MYO1D: variants seen among roughly 807,000 people sequenced by gnomAD.
The protein encoded by MYO1D is myosin ID, also known as unconventional myosin-Id.
Under a neutral mutation model 122.0 loss-of-function variants are expected in MYO1D, and 83 were observed. The ratio of observed to expected loss-of-function variants is 0.68; its 90% CI spans 0.57 to 0.82. The LOEUF (loss-of-function observed/expected upper bound fraction) is 0.82. Ranked by LOEUF, MYO1D falls within the 40% of genes least tolerant of loss-of-function variation. MYO1D has a pLI of 0.00. For synonymous variants in MYO1D, 464 were observed against 446.9 expected (o/e 1.04, Z -0.48); for missense variants, 1,157 against 1,269.5 (o/e 0.91, Z 1.35).
chr17:32,734,609 A>T (rs2089676150), intron 14 of MYO1D: 1 of 152,218 alleles, frequency 6.6e-6, no homozygotes, highest in Non-Finnish European at 1.5e-5. Context: ...ATTTTTTGTC[A>T]TGCACTTCCT....
At chr17:32,548,073 G>A (rs2086980103) in intron 21 of MYO1D, among the ~76,000 whole-genome samples, 1 of 152,044 alleles carries the variant, frequency 6.6e-6, no homozygotes, top group Non-Finnish European at 1.5e-5. Context: ...AGAACCCTAA[G>A]CCCTTTCTTT....
intron 1 of MYO1D, among the ~76,000 whole-genome samples, chr17:32,822,794 C>G (rs1355890035): frequency 1.3e-5 from 2 of 151,640 alleles, no homozygotes; most frequent in Non-Finnish European, 2.9e-5. Flanking sequence ...GACCTCCGCT[C>G]GCGACCGCTC....
chr17:32,778,935 G>A (rs1337436793), intron 2 of MYO1D, among the ~76,000 whole-genome samples: 1 of 152,124 alleles, frequency 6.6e-6, no homozygotes, highest in Admixed American at 6.5e-5. Flanking sequence ...TCAAACAGTG[G>A]TTACAACTAA....
chr17:32,613,443 GTA>G (rs1268192667), intron 20 of MYO1D, among the ~76,000 whole-genome samples: 2 of 152,088 alleles, frequency 1.3e-5, no homozygotes, highest in Admixed American at 1.3e-4. Flanking sequence ...GACCATGAGC[GTA>G]TATTCACAAG....
intron 1 of MYO1D, among the ~76,000 whole-genome samples, chr17:32,797,633 G>GA (rs1383986654): frequency 2.0e-5 from 3 of 152,126 alleles, no homozygotes; most frequent in South Asian, 4.2e-4. Context: ...TGTACATATA[G>GA]AAAAAAACAG....
intron 21 of MYO1D, among the ~76,000 whole-genome samples, chr17:32,595,233 C>T (rs915345995): frequency 6.6e-6 from 1 of 152,108 alleles, no homozygotes; most frequent in Non-Finnish European, 1.5e-5. Context: ...TCTAGCACTG[C>T]AGGGTGAATA....
At position 32,602,995 on chromosome 17, in the gene MYO1D, C is replaced by T. The variant is rs551002998; in HGVS notation, c.2864+2092G>A. Among the ~76,000 whole-genome samples, 3 of 151,922 alleles carry T rather than the reference C, an allele frequency of 2.0e-5. No individual in the cohort carries two copies. The East Asian group carries it at 5.8e-4, about 29-fold the overall frequency. ...AGTCAAAATTTCAAGCCTGACTTTT[C>T]TGGGGTCTGGGAGGAAAGATTTTAT... On this transcript the variant is annotated intron_variant, in intron 21 of 21. Transcript: ENST00000318217.
chr17:32,869,527 A>G (rs761216609), intron 1 of MYO1D, among the ~76,000 whole-genome samples: 4 of 152,218 alleles, frequency 2.6e-5, no homozygotes, highest in African/African-American at 4.8e-5. Context: ...AACCAGTTCC[A>G]GTGGCAGCAC....
At chr17:32,669,602 T>C (rs532233418) in intron 16 of MYO1D, among the ~76,000 whole-genome samples, 9 of 152,216 alleles carry the variant, frequency 5.9e-5, no homozygotes, top group Non-Finnish European at 1.2e-4. Flanking sequence ...TGAGTTAAAT[T>C]TGCAGGCCCC....
intron 1 of MYO1D, among the ~76,000 whole-genome samples, chr17:32,826,850 T>C (rs1054018188): frequency 6.6e-6 from 1 of 152,220 alleles, no homozygotes; most frequent in Non-Finnish European, 1.5e-5. Flanking sequence ...GTTGAAAACA[T>C]ATACATATAT....
chr17:32,800,769 G>A (rs866985377), intron 1 of MYO1D, among the ~76,000 whole-genome samples: 4 of 151,912 alleles, frequency 2.6e-5, no homozygotes, highest in South Asian at 2.1e-4. Context: ...GTGCAGTGGC[G>A]TAATCATAGT....
At chr17:32,575,036 T>G (rs1285476971) in intron 21 of MYO1D, among the ~76,000 whole-genome samples, 1 of 152,206 alleles carries the variant, frequency 6.6e-6, no homozygotes, top group African/African-American at 2.4e-5. Context: ...TCGTGGGAGC[T>G]GATGGGAAGT....
In MYO1D at chr17:32,721,146, G is replaced by C. The variant is rs749033620; in HGVS notation, c.1790C>G (p.Ser597Cys). 1.2e-6 allele frequency: 2 copies of C among 1,614,070 alleles called. No homozygotes were observed. The highest frequency in any genetic ancestry group is 2.2e-5 in the East Asian group (1 of 44,874). Residue 597 changes from serine (S) to cysteine (C), a missense_variant, in exon 15 of 22, where the codon TCT becomes TGT. Transcript: ENST00000318217. ...VRCIKPNDKK[S>C]PQIFDDERCR... is the part of the protein sequence containing the mutation. ...GCGTTCATCATCAAATATCTGTGGA[G>C]ATTTCTTGTCATTGGGTTTGATGCA...
At chr17:32,614,584 A>G (rs2087747690) in intron 20 of MYO1D, among the ~76,000 whole-genome samples, 1 of 151,910 alleles carries the variant, frequency 6.6e-6, no homozygotes, top group African/African-American at 2.4e-5. Flanking sequence ...TGTTCTGTTC[A>G]TCTGTCTCTC....
At position 32,772,647 on chromosome 17, in the gene MYO1D, T is replaced by C. The variant is rs1287901134; in HGVS notation, c.618+142A>G. 21 of 690,290 alleles carry C rather than the reference T, an allele frequency of 3.0e-5. No individual in the cohort carries two copies. The East Asian group carries it at 5.6e-4, about 18-fold the overall frequency. 42.8% of individuals were successfully genotyped at this position (690,290 alleles called of 1,614,324 possible). ...CAGGTAGGGCAGGGCATGTGGTGCG[T>C]GCGTGCGTGCGTGCATGCGTGACAT... On this transcript the variant is annotated intron_variant, in intron 5 of 21. Coordinates refer to ENST00000318217, the MANE Select transcript of MYO1D (RefSeq NM_015194.3).
chr17:32,803,612 C>T (rs187222405), intron 1 of MYO1D, among the ~76,000 whole-genome samples: 5 of 152,186 alleles, frequency 3.3e-5, no homozygotes, highest in African/African-American at 1.2e-4. Flanking sequence ...ATAATCATTC[C>T]CAGTTAATTT....
At chr17:32,754,400 C>A (rs558718869) in intron 11 of MYO1D, among the ~76,000 whole-genome samples, 15 of 152,306 alleles carry the variant, frequency 9.8e-5, no homozygotes, top group African/African-American at 3.4e-4. Flanking sequence ...CATGAAAGAG[C>A]AGACTGTAGT....
In MYO1D at chr17:32,736,104, C is replaced by T. The variant is rs2089698099; in HGVS notation, c.1746+2149G>A. 4.0e-5 allele frequency among the ~76,000 whole-genome samples: 6 copies of T among 150,224 alleles called. No homozygotes were observed. In the South Asian group the frequency reaches 1.3e-3, roughly 32 times the overall value. ...TGTCCTCTAGAACCTCTCAGTCTGG[C>T]TTTACCTTCTTGCCTTCTATTGTAC... On this transcript the variant is annotated intron_variant, in intron 14 of 21. Coordinates refer to ENST00000318217, the MANE Select transcript of MYO1D (RefSeq NM_015194.3).
intron 21 of MYO1D, among the ~76,000 whole-genome samples, chr17:32,598,650 A>G (rs1438822529): frequency 6.6e-6 from 1 of 152,244 alleles, no homozygotes; most frequent in Non-Finnish European, 1.5e-5. Context: ...TGAATATCAC[A>G]ATAAAGCAAG....
Sources: gnomAD v4.1 joint callset for allele counts (sites outside exome capture counted in the v4.1 genomes callset) on GRCh38, gnomAD v4.1.1 for gene constraint, MANE v1.5 for transcripts, NCBI Gene and HGNC (gene_info 2026-07-23, HGNC 2026-07-21) for gene names.